Variants in PTPRN2 observed in about 807,000 individuals in gnomAD.
PTPRN2 encodes the protein receptor-type tyrosine-protein phosphatase N2.
A neutral mutation model predicts 118.8 loss-of-function variants in PTPRN2; 74 were observed. That is an observed-to-expected ratio of 0.62 (90% CI 0.52 to 0.76). The LOEUF is 0.76. Among genes scored for constraint, PTPRN2 ranks in the 30% least tolerant of loss-of-function variants. The pLI is 0.00. For synonymous variants in PTPRN2, 641 were observed against 608.0 expected (o/e 1.05, Z -0.80); for missense variants, 1,481 against 1,394.4 (o/e 1.06, Z -0.99).
At chr7:158,244,839 G>GTGTA (rs1329288933) in intron 3 of PTPRN2, among the ~76,000 whole-genome samples, 1 of 151,538 alleles carries the variant, frequency 6.6e-6, no homozygotes, top group Non-Finnish European at 1.5e-5. Context: ...TTGTGCACAT[G>GTGTA]TGAGTGTATG....
chr7:158,054,844 C>T (rs1809657469), intron 11 of PTPRN2, among the ~76,000 whole-genome samples: 2 of 152,226 alleles, frequency 1.3e-5, no homozygotes, highest in Non-Finnish European at 1.5e-5. Context: ...CTGTCCAATC[C>T]ATCACCAAAT....
intron 20 of PTPRN2, among the ~76,000 whole-genome samples, chr7:157,571,103 C>T (rs1313180489): frequency 1.1e-4 from 16 of 150,218 alleles, no homozygotes; most frequent in Non-Finnish European, 2.1e-4. Flanking sequence ...AAAAATTAGC[C>T]GGGCGTGGTG....
Position 157,787,282 on chromosome 7 carries a change from G to T in PTPRN2, c.1789-104345C>A, listed in dbSNP as rs1804122221. On this transcript the variant is annotated intron_variant, in intron 12 of 22. Transcript: ENST00000389418. The surrounding 1 kb of genome is among the most constrained non-coding windows in gnomAD (Gnocchi z 5.3). ...AGTGGATGCCCACAACCCCTCTGGG[G>T]TGTCGGGGATCAGGTGAGCAAGGGG... Among the ~76,000 whole-genome samples the T allele has an allele frequency of 6.6e-6, 1 of 152,188 alleles. No individual in the cohort carries two copies. Among genetic ancestry groups the T allele is most frequent in the Non-Finnish European group, 1.5e-5 (1 of 68,016 alleles).
intron 2 of PTPRN2, among the ~76,000 whole-genome samples, chr7:158,376,675 C>G (rs1586509786): frequency 7.8e-6 from 1 of 127,908 alleles, no homozygotes; most frequent in East Asian, 2.5e-4. Flanking sequence ...TCAGGGGACT[C>G]CCCCACAGCC....
In PTPRN2 at chr7:158,555,271, T is replaced by C. The variant is rs1317955330; in HGVS notation, c.112+32287A>G. On this transcript the variant is annotated intron_variant, in intron 1 of 22. Transcript: ENST00000389418. The surrounding 1 kb of genome is among the most constrained non-coding windows in gnomAD (Gnocchi z 4.7). ...GACTGCAAGATCCCACAGCTGCCTT[T>C]TGGGGGAGGTTGGGGCTTATGCCTT... is the stretch of plus-strand genomic sequence containing the variant. 3.9e-5 allele frequency among the ~76,000 whole-genome samples: 6 copies of C among 152,194 alleles called. No individual in the cohort carries two copies. Among genetic ancestry groups the C allele is most frequent in the Non-Finnish European group, 1.5e-5 (1 of 68,036 alleles).
intron 2 of PTPRN2, among the ~76,000 whole-genome samples, chr7:158,359,835 G>A (rs13239797): frequency 0.9 from 136,780 of 152,186 alleles, 61,795 homozygotes; most frequent in Non-Finnish European, 0.94. Flanking sequence ...CTGATGGAAT[G>A]GCCTTCTTCC....
intron 11 of PTPRN2, among the ~76,000 whole-genome samples, chr7:158,071,413 T>C (rs1041556654): frequency 7.2e-5 from 7 of 97,450 alleles, no homozygotes; most frequent in Admixed American, 2.1e-4. Flanking sequence ...GTGGAGTTGC[T>C]CCTGGTGGTG....
intron 12 of PTPRN2, among the ~76,000 whole-genome samples, chr7:157,743,112 C>T (rs1800727347): frequency 6.6e-6 from 1 of 152,238 alleles, no homozygotes; most frequent in South Asian, 2.1e-4. Flanking sequence ...GAACGGACCA[C>T]TCACTGAGCC....
chr7:158,539,467 C>T (rs537714370), intron 1 of PTPRN2: 2 of 152,548 alleles, frequency 1.3e-5, no homozygotes, highest in Admixed American at 6.5e-5. Context: ...CCTGGCCCAG[C>T]ACCGGACTCC....
At chr7:158,287,976 T>C (rs531326207) in intron 3 of PTPRN2, among the ~76,000 whole-genome samples, 88 of 152,316 alleles carry the variant, frequency 5.8e-4, no homozygotes, top group Non-Finnish European at 1.1e-3. Context: ...ATATTTGCTT[T>C]ACATACTTAG....
At chr7:158,008,870 A>G (rs1321009047) in intron 11 of PTPRN2, among the ~76,000 whole-genome samples, 1 of 152,230 alleles carries the variant, frequency 6.6e-6, no homozygotes, top group Non-Finnish European at 1.5e-5. Context: ...TACATATGCT[A>G]CTAAATGTGG....
chr7:157,940,564 TGTGACACTGCAAATCTAACACCCTCCCCA>T (rs1799994352), intron 11 of PTPRN2, among the ~76,000 whole-genome samples: 12 of 104,458 alleles, frequency 1.1e-4, no homozygotes, highest in African/African-American at 4.3e-4. Context: ...CGCCCTCCCC[TGTGACACTGCAAATCTAACACCCTCCCCA>T]GTGACACTGC....
intron 1 of PTPRN2, among the ~76,000 whole-genome samples, chr7:158,548,631 G>C (rs971710709): frequency 2.6e-5 from 4 of 152,218 alleles, no homozygotes; most frequent in African/African-American, 7.2e-5. Flanking sequence ...TGTAACATAT[G>C]CCTGTGTGCC....
chr7:158,536,388 T>G (rs1029526079), intron 1 of PTPRN2, among the ~76,000 whole-genome samples: 1 of 152,172 alleles, frequency 6.6e-6, no homozygotes, highest in Admixed American at 6.5e-5. Context: ...CAGGCACACA[T>G]GAAGACACAA....
chr7:158,558,814 ACTCAG>A (rs1827205853), intron 1 of PTPRN2, among the ~76,000 whole-genome samples: 1 of 149,098 alleles, frequency 6.7e-6, no homozygotes, highest in Non-Finnish European at 1.5e-5. Context: ...CTGGGGTGCC[ACTCAG>A]CTTCTCTGGA....
intron 4 of PTPRN2, among the ~76,000 whole-genome samples, chr7:158,200,645 G>C (rs1296266249): frequency 6.6e-6 from 1 of 152,136 alleles, no homozygotes; most frequent in Non-Finnish European, 1.5e-5. Flanking sequence ...GATTAAGTAT[G>C]GTATCAATTA....
At position 158,565,790 on chromosome 7, in the gene PTPRN2, T is replaced by C. The variant is rs2129451164; in HGVS notation, c.112+21768A>G. On this transcript the variant is annotated intron_variant, in intron 1 of 22. Coordinates refer to ENST00000389418, the MANE Select transcript of PTPRN2 (RefSeq NM_002847.5). This position sits in a 1 kb window ranked among gnomAD's most constrained non-coding sequence, Gnocchi z 4.6. ...TAGTTACCCGCACGTCTAGAGACTG[T>C]CCCACATCTCCAAACACAGATCTGC... Among the ~76,000 whole-genome samples the C allele has an allele frequency of 6.6e-6, 1 of 152,286 alleles. No individual in the cohort carries two copies. Among genetic ancestry groups the C allele is most frequent in the South Asian group, 2.1e-4 (1 of 4,816 alleles).
chr7:158,087,321 C>T (rs117436203), intron 10 of PTPRN2, among the ~76,000 whole-genome samples: 537 of 152,294 alleles, frequency 3.5e-3, no homozygotes, highest in African/African-American at 7.4e-3. Flanking sequence ...GACCCTGGAC[C>T]GTGCAGTGAA....
In PTPRN2 at chr7:157,619,118, C is replaced by T. The variant is rs906794518; in HGVS notation, c.2344+2244G>A. On this transcript the variant is annotated intron_variant, in intron 15 of 22. Transcript: ENST00000389418. The surrounding 1 kb of genome is among the most constrained non-coding windows in gnomAD (Gnocchi z 5.3). ...ACCACTTCACCATCACTAGGTCCCT[C>T]GCCCCCAACCCCCCCATCCACACTG... Among the ~76,000 whole-genome samples, 2 of 152,022 alleles carry T rather than the reference C, an allele frequency of 1.3e-5. No individual in the cohort carries two copies. Among genetic ancestry groups the T allele is most frequent in the Non-Finnish European group, 2.9e-5 (2 of 68,012 alleles).
Sources: gnomAD v4.1 joint callset for allele counts (sites outside exome capture counted in the v4.1 genomes callset) on GRCh38, gnomAD v4.1.1 for gene constraint, Gnocchi (gnomAD v3.1) non-coding constraint, MANE v1.5 for transcripts, NCBI Gene and HGNC (gene_info 2026-07-23, HGNC 2026-07-21) for gene names.